Variants in IKZF2 observed in about 807,000 individuals in gnomAD.
The protein encoded by IKZF2 is IKAROS family zinc finger 2.
IKZF2 carries 15 observed loss-of-function variants against 49.2 expected under a neutral mutation model. The observed-to-expected ratio is 0.30, with a 90% CI of 0.20 to 0.47. The LOEUF (loss-of-function observed/expected upper bound fraction) is 0.47, where lower values mean the gene tolerates loss of function less well. Among genes scored for constraint, IKZF2 ranks in the 20% least tolerant of loss-of-function variants. The probability of loss-of-function intolerance (pLI) is 1.00; values close to 1 mark genes in which losing one functional copy is unlikely to be tolerated. For synonymous variants in IKZF2, 227 were observed against 221.4 expected, an observed-to-expected ratio of 1.03 and a Z score of -0.23; for missense variants, 567 against 664.6, an observed-to-expected ratio of 0.85 and a Z score of 1.61.
chr2:213,102,129 A>G (rs1015521490), intron 4 of IKZF2, among the ~76,000 whole-genome samples: 1 of 152,152 alleles, frequency 6.6e-6, no homozygotes, highest in South Asian at 2.1e-4. Flanking sequence ...TTTTTAAAGA[A>G]GTGGTGATTT....
intron 4 of IKZF2, among the ~76,000 whole-genome samples, chr2:213,094,633 A>G (rs1459311233): frequency 6.6e-6 from 1 of 152,136 alleles, no homozygotes; most frequent in Non-Finnish European, 1.5e-5. Flanking sequence ...AGCTCTTGGG[A>G]TGAAGGGAGT....
intron 4 of IKZF2, among the ~76,000 whole-genome samples, chr2:213,141,911 G>A (rs1422875582): frequency 6.6e-6 from 1 of 151,948 alleles, no homozygotes; most frequent in East Asian, 1.9e-4. Flanking sequence ...ATTAATAATT[G>A]CATTTAAGCC....
chr2:213,123,372 A>G (rs1413433869), intron 4 of IKZF2, among the ~76,000 whole-genome samples: 6 of 152,248 alleles, frequency 3.9e-5, no homozygotes, highest in South Asian at 2.1e-4. Context: ...TCAAAATTGT[A>G]TATGTAAATG....
chr2:213,099,269 T>C (rs1706372423), intron 4 of IKZF2, among the ~76,000 whole-genome samples: 1 of 152,156 alleles, frequency 6.6e-6, no homozygotes, highest in Non-Finnish European at 1.5e-5. Flanking sequence ...TTGTAAATAT[T>C]ACTGTAAGAT....
At chr2:213,025,833 C>T (rs1016235991) in intron 6 of IKZF2, among the ~76,000 whole-genome samples, 5 of 152,100 alleles carry the variant, frequency 3.3e-5, no homozygotes, top group African/African-American at 1.2e-4. Flanking sequence ...ACTTCTGTTA[C>T]CTTCTACCTC....
In IKZF2 at chr2:213,057,048, G is replaced by T; in HGVS notation, c.191C>A (p.Pro64His). 2 of 1,613,634 alleles carry T rather than the reference G, an allele frequency of 1.2e-6. No homozygotes were observed. Among genetic ancestry groups the T allele is most frequent in the Non-Finnish European group, 1.7e-6 (2 of 1,179,820 alleles). The change falls in exon 5 of 9, where the codon CCC (proline) becomes CAC (histidine). Residue 64 changes from proline to histidine, a missense_variant. Physicochemically the swap from Pro to His is moderately conservative, Grantham distance 77. Transcript: ENST00000434687. ...CCTGATCTCATCTTCACGGCTCAGGGGTTTCCTGTCACACTCTTCATCACT... is the reference window on the plus strand; with the variant it reads ...CCTGATCTCATCTTCACGGCTCAGGTGTTTCCTGTCACACTCTTCATCACT... ...MQSDEECDRK[P>H]LSREDEIRGH...
intron 4 of IKZF2, among the ~76,000 whole-genome samples, chr2:213,077,845 C>A (rs1574750254): frequency 6.6e-6 from 1 of 152,090 alleles, no homozygotes; most frequent in Non-Finnish European, 1.5e-5. Flanking sequence ...TCCTCGGCCT[C>A]CCAAAGTACT....
At chr2:213,018,550 T>C (rs935796808) in intron 7 of IKZF2, among the ~76,000 whole-genome samples, 1 of 152,148 alleles carries the variant, frequency 6.6e-6, no homozygotes, top group Non-Finnish European at 1.5e-5. Flanking sequence ...TAGGCATTTA[T>C]CATGTATCCT....
chr2:213,135,648 G>T (rs73079208), intron 4 of IKZF2, among the ~76,000 whole-genome samples: 1 of 150,550 alleles, frequency 6.6e-6, no homozygotes, highest in African/African-American at 2.5e-5. Flanking sequence ...TCGTGACACC[G>T]TACTCCAGCC....
chr2:213,049,661 C>CAGAA, intron 6 of IKZF2, 52 bp downstream of exon 6: 1 of 1,410,758 alleles, frequency 7.1e-7, no homozygotes, highest in African/African-American at 1.4e-5. Context: ...CAATAGTACT[C>CAGAA]TTCTAAGTTT....
chr2:213,143,273 C>T (rs2060934630), intron 4 of IKZF2, among the ~76,000 whole-genome samples: 1 of 151,784 alleles, frequency 6.6e-6, no homozygotes, highest in Non-Finnish European at 1.5e-5. Flanking sequence ...GTGGGAAAGA[C>T]AGATTTTGAA....
chr2:213,090,360 T>C (rs966587099), intron 4 of IKZF2, among the ~76,000 whole-genome samples: 11 of 152,182 alleles, frequency 7.2e-5, no homozygotes, highest in African/African-American at 2.7e-4. Flanking sequence ...TGTAAACATC[T>C]TGGTTCTGCC....
At chr2:213,018,458 T>G (rs1398765718) in intron 7 of IKZF2, among the ~76,000 whole-genome samples, 1 of 152,184 alleles carries the variant, frequency 6.6e-6, no homozygotes, top group Non-Finnish European at 1.5e-5. Flanking sequence ...CACCTTGTTC[T>G]CTTCTGCAGT....
chr2:213,067,464 C>A (rs904943154), intron 4 of IKZF2, among the ~76,000 whole-genome samples: 1 of 151,978 alleles, frequency 6.6e-6, no homozygotes, highest in African/African-American at 2.4e-5. Flanking sequence ...GTGAATGACA[C>A]CATTTTTTCC....
intron 4 of IKZF2, among the ~76,000 whole-genome samples, chr2:213,072,573 T>C (rs1157027282): frequency 6.6e-6 from 1 of 152,150 alleles, no homozygotes; most frequent in Non-Finnish European, 1.5e-5. Flanking sequence ...GATACCTTTC[T>C]ACATACTGAC....
At chr2:213,042,895 A>G (rs1336874285) in intron 6 of IKZF2, among the ~76,000 whole-genome samples, 3 of 152,062 alleles carry the variant, frequency 2.0e-5, no homozygotes, top group African/African-American at 7.2e-5. Flanking sequence ...TTTTTAAAGT[A>G]AAAACTTTTC....
intron 6 of IKZF2, among the ~76,000 whole-genome samples, chr2:213,026,655 C>A (rs1216094285): frequency 6.6e-6 from 1 of 151,852 alleles, no homozygotes; most frequent in Admixed American, 6.6e-5. Flanking sequence ...ATAATTATAT[C>A]ATTTAGAAAT....
At chr2:213,012,902 ATAACAATTCTT>A (rs908127815) in intron 8 of IKZF2, among the ~76,000 whole-genome samples, 1 of 152,028 alleles carries the variant, frequency 6.6e-6, no homozygotes, top group African/African-American at 2.4e-5. Context: ...TATACAATGA[ATAACAATTCTT>A]TAACAATTCT....
At chr2:213,133,249 A>G (rs1440726562) in intron 4 of IKZF2, among the ~76,000 whole-genome samples, 1 of 152,174 alleles carries the variant, frequency 6.6e-6, no homozygotes, top group Non-Finnish European at 1.5e-5. Context: ...AGCTTTACAT[A>G]TATTGTGTCT....
Sources: allele counts gnomAD v4.1 joint callset (sites outside exome capture counted in the v4.1 genomes callset), GRCh38; gene constraint gnomAD v4.1.1; transcripts MANE v1.5; gene names NCBI Gene and HGNC (gene_info 2026-07-23, HGNC 2026-07-21).